Variants in SUMF1 observed in about 807,000 individuals in gnomAD.
SUMF1 encodes the protein formylglycine-generating enzyme.
A neutral mutation model predicts 47.6 loss-of-function variants in SUMF1; 48 were observed. That is an observed-to-expected ratio of 1.01 (90% CI 0.80 to 1.28). The LOEUF (loss-of-function observed/expected upper bound fraction) is 1.28, where lower values mean the gene tolerates loss of function less well. SUMF1 is among the 50% of genes most tolerant of loss of function. The pLI is 0.00. For synonymous variants in SUMF1, 230 were observed against 192.1 expected (o/e 1.20, Z -1.63); for missense variants, 571 against 485.4 (o/e 1.18, Z -1.66).
chr3:4,426,322 A>G (rs1484595157), intron 3 of SUMF1, among the ~76,000 whole-genome samples: 1 of 152,204 alleles, frequency 6.6e-6, no homozygotes, highest in East Asian at 1.9e-4. Flanking sequence ...AGGAGAGACA[A>G]GTAATCAAAG....
chr3:4,313,466 C>G lies in SUMF1; in HGVS notation c.1014+62864G>C, dbSNP rs1698503913. 5 of 1,613,952 alleles carry G rather than the reference C, an allele frequency of 3.1e-6. No individual in the cohort carries two copies. In the East Asian group the frequency reaches 8.9e-5, roughly 29 times the overall value. ...CCTGTCCGAATTGACTCAATGGTAC[C>G]TAAGTTGGCACTTTTTGCAGCCAAA... is the stretch of plus-strand genomic sequence containing the variant. On this transcript the variant is annotated intron_variant and NMD_transcript_variant, in intron 8 of 12. Coordinates refer to the SUMF1 transcript ENST00000448413.
At chr3:4,103,456 A>AT (rs1028112641) in intron 8 of SUMF1, among the ~76,000 whole-genome samples, 24 of 151,156 alleles carry the variant, frequency 1.6e-4, no homozygotes, top group East Asian at 3.9e-4. Context: ...AATGGAGGGG[A>AT]TTTTTTTTTG....
intron 8 of SUMF1, among the ~76,000 whole-genome samples, chr3:4,253,480 C>T (rs937157004): frequency 5.3e-5 from 8 of 152,034 alleles, no homozygotes; most frequent in Non-Finnish European, 1.0e-4. Flanking sequence ...GTTCCCTTTC[C>T]GAGTAAAAGA....
intron 8 of SUMF1, among the ~76,000 whole-genome samples, chr3:4,264,215 C>A (rs1697143015): frequency 1.3e-5 from 2 of 152,092 alleles, no homozygotes; most frequent in South Asian, 4.1e-4. Context: ...CAGGATACAA[C>A]CCAGTTACGC....
intron 8 of SUMF1, among the ~76,000 whole-genome samples, chr3:4,292,977 G>A (rs138173945): frequency 5.9e-5 from 9 of 152,210 alleles, no homozygotes; most frequent in African/African-American, 1.7e-4. Context: ...GTTCCAGAAC[G>A]TGAAATTTAA....
chr3:4,433,764 A>G (rs1702308916), intron 3 of SUMF1, among the ~76,000 whole-genome samples: 1 of 152,256 alleles, frequency 6.6e-6, no homozygotes, highest in Non-Finnish European at 1.5e-5. Context: ...GGACATCTAG[A>G]GTTGTATGCT....
At chr3:4,167,446 G>C (rs1400327444) in intron 8 of SUMF1, among the ~76,000 whole-genome samples, 2 of 152,186 alleles carry the variant, frequency 1.3e-5, no homozygotes, top group East Asian at 3.9e-4. Flanking sequence ...GTGCTGATTG[G>C]TCCATTTTAC....
intron 8 of SUMF1, among the ~76,000 whole-genome samples, chr3:4,150,310 C>T (rs548679407): frequency 2.6e-5 from 4 of 151,392 alleles, no homozygotes; most frequent in Non-Finnish European, 4.4e-5. Flanking sequence ...ATCTATAATC[C>T]CAGCACTTTG....
intron 8 of SUMF1, among the ~76,000 whole-genome samples, chr3:4,081,923 C>T (rs1489733673): frequency 6.6e-6 from 1 of 152,058 alleles, no homozygotes. Context: ...GTGATATTTC[C>T]ATTGTTGTTG....
At chr3:4,144,162 T>TAAAATCATTAGATGCAAG (rs1694141366) in intron 8 of SUMF1, among the ~76,000 whole-genome samples, 1 of 151,896 alleles carries the variant, frequency 6.6e-6, no homozygotes, top group Non-Finnish European at 1.5e-5. Flanking sequence ...AGACGGGGTC[T>TAAAATCATTAGATGCAAG]TACCACGTGT....
intron 2 of SUMF1, among the ~76,000 whole-genome samples, chr3:4,450,647 A>T (rs76703543): frequency 0.012 from 1,792 of 152,266 alleles, 33 homozygotes; most frequent in African/African-American, 0.041. Flanking sequence ...CACAGAAAAA[A>T]ATCAAGCCAA....
intron 9 of SUMF1, among the ~76,000 whole-genome samples, chr3:4,061,594 T>G (rs1695277527): frequency 6.6e-6 from 1 of 152,156 alleles, no homozygotes; most frequent in Non-Finnish European, 1.5e-5. Flanking sequence ...CAGTACTCAT[T>G]GTCTCAGTGA....
At chr3:4,373,904 C>T (rs1271208994) in intron 8 of SUMF1, among the ~76,000 whole-genome samples, 3 of 152,096 alleles carry the variant, frequency 2.0e-5, no homozygotes. Context: ...CAATGTAATT[C>T]ACCATATGAA....
exon 9 of SUMF1, chr3:4,068,628 G>T (rs771541369): frequency 1.1e-5 from 5 of 440,486 alleles, no homozygotes; most frequent in South Asian, 8.2e-5. Flanking sequence ...TATTGCTGAT[G>T]CCTACGTATT....
At chr3:4,066,812 C>T (rs1170364278) in intron 9 of SUMF1, among the ~76,000 whole-genome samples, 1 of 152,254 alleles carries the variant, frequency 6.6e-6, no homozygotes. Flanking sequence ...AGGACCTAGA[C>T]CGAACACCTG....
At chr3:4,190,961 C>A (rs1052795073) in intron 8 of SUMF1, among the ~76,000 whole-genome samples, 4 of 152,096 alleles carry the variant, frequency 2.6e-5, no homozygotes, top group Non-Finnish European at 5.9e-5. Flanking sequence ...TCTAGTGAAG[C>A]CAGACAGTAG....
intron 8 of SUMF1, among the ~76,000 whole-genome samples, chr3:4,277,458 G>A (rs1026515854): frequency 2.0e-5 from 3 of 152,072 alleles, no homozygotes; most frequent in African/African-American, 7.2e-5. Context: ...GGGTCAACTA[G>A]AGGAAAACTT....
intron 8 of SUMF1, among the ~76,000 whole-genome samples, chr3:4,130,220 T>C (rs1693754581): frequency 6.6e-6 from 1 of 152,174 alleles, no homozygotes; most frequent in South Asian, 2.1e-4. Context: ...CGACTCTGAT[T>C]GCAGCTGCTG....
intron 8 of SUMF1, among the ~76,000 whole-genome samples, chr3:4,231,127 T>C (rs1306666635): frequency 6.6e-6 from 1 of 152,058 alleles, no homozygotes; most frequent in Non-Finnish European, 1.5e-5. Context: ...AAAGCGAAAT[T>C]TTCCAGCCTG....
Sources: allele counts gnomAD v4.1 joint callset (sites outside exome capture counted in the v4.1 genomes callset), GRCh38; gene constraint gnomAD v4.1.1; transcripts MANE v1.5; gene names NCBI Gene and HGNC (gene_info 2026-07-23, HGNC 2026-07-21).